Variants in GALK2 observed in about 807,000 individuals in gnomAD.
GALK2 encodes galactokinase 2, also known as N-acetylgalactosamine kinase.
In GALK2, 36 loss-of-function variants were observed where a neutral mutation model predicts 52.4. That is an observed-to-expected ratio of 0.69 (90% CI 0.53 to 0.91). The LOEUF is 0.91. GALK2 is among the 40% of genes least tolerant of loss of function. The pLI, the probability that GALK2 is intolerant of heterozygous loss-of-function variation, is 0.00. For missense variants in GALK2, 579 were observed against 559.1 expected (o/e 1.04, Z -0.36); for synonymous variants, 176 against 199.1 (o/e 0.88, Z 0.98).
rs188633691 is a variant in GALK2, at chr15:49,322,922, C to A, written c.1169+3117C>A. 9.4e-4 allele frequency among the ~76,000 whole-genome samples: 141 copies of A among 149,378 alleles called. No homozygotes were observed. In the East Asian group the frequency reaches 0.017, roughly 18 times the overall value. ...CAGTGAGCCGAGATCGCAACACTGC[C>A]CTCCAGCCTGTGGGACAGAGCAAGA... On this transcript the variant is annotated intron_variant, in intron 9 of 9. Transcript: ENST00000560031.
At chr15:49,166,718 A>G (rs953737025), upstream of GALK2, among the ~76,000 whole-genome samples, 1 of 152,230 alleles carries the variant, frequency 6.6e-6, no homozygotes, top group African/African-American at 2.4e-5. Context: ...CTCAACAACA[A>G]CAACAAAAAA....
chr15:49,160,390 T>C (rs2084611161), intron 1 of GALK2, among the ~76,000 whole-genome samples: 1 of 152,184 alleles, frequency 6.6e-6, no homozygotes, highest in African/African-American at 2.4e-5. Context: ...ATGATATCAC[T>C]TTACAGTATA....
In GALK2 at chr15:49,170,359, G is replaced by T. The variant is rs780530278; in HGVS notation, c.37G>T (p.Val13Leu). 1 of 1,592,902 alleles carries T rather than the reference G, an allele frequency of 6.3e-7. No homozygotes were observed. Among genetic ancestry groups the T allele is most frequent in the South Asian group, 1.1e-5 (1 of 87,130 alleles). The change falls in exon 1 of 10, where the codon GTG becomes TTG. Residue 13 changes from valine (V) to leucine (L), a missense_variant. Physicochemically the swap from Val to Leu is conservative, Grantham distance 32. Transcript: ENST00000560031. ...GAGCCCTGCTACGCGTCGGGTCCAG[G>T]TGGCAGAACATCCTAGGTGGGGGAG... is the stretch of plus-strand genomic sequence containing the variant. ...TESPATRRVQVAEHPRLLKLK... is the reference protein window; with the variant it reads ...TESPATRRVQLAEHPRLLKLK...
At chr15:49,202,955 A>G (rs1428899055) in intron 2 of GALK2, among the ~76,000 whole-genome samples, 1 of 152,092 alleles carries the variant, frequency 6.6e-6, no homozygotes, top group African/African-American at 2.4e-5. Context: ...ATTATTAGTG[A>G]TGTTGAGCAT....
chr15:49,296,494 T>C (rs2034490959), intron 8 of GALK2, among the ~76,000 whole-genome samples: 1 of 152,236 alleles, frequency 6.6e-6, no homozygotes. Context: ...CCACAGTGTA[T>C]TTGCACCACG....
chr15:49,180,187 G>T (rs1247465305), intron 1 of GALK2, among the ~76,000 whole-genome samples: 2 of 152,108 alleles, frequency 1.3e-5, no homozygotes, highest in African/African-American at 4.8e-5. Flanking sequence ...TCTGCTGTTA[G>T]CACTTCATGT....
intron 7 of GALK2, among the ~76,000 whole-genome samples, chr15:49,289,005 C>A (rs1189489516): frequency 2.0e-5 from 3 of 152,138 alleles, no homozygotes; most frequent in Non-Finnish European, 4.4e-5. Context: ...AGGAAGTTTT[C>A]CTTGACTACC....
downstream of GALK2, chr15:49,335,502 A>C: frequency 6.2e-7 from 1 of 1,608,248 alleles, no homozygotes; most frequent in Non-Finnish European, 8.5e-7. Context: ...GTAGTGTGCT[A>C]GGCTTATTAT....
intron 1 of GALK2, among the ~76,000 whole-genome samples, chr15:49,182,730 T>A (rs2086066460): frequency 2.0e-5 from 3 of 152,262 alleles, no homozygotes; most frequent in Admixed American, 2.0e-4. Context: ...TTTGCATTTC[T>A]CTGACTATCA....
intron 5 of GALK2, among the ~76,000 whole-genome samples, chr15:49,276,327 G>A (rs928217892): frequency 6.6e-6 from 1 of 152,042 alleles, no homozygotes; most frequent in Admixed American, 6.6e-5. Context: ...TGTTTGTGGG[G>A]TACAGTGGAA....
At chr15:49,220,688 A>G (rs2141400339) in intron 3 of GALK2, among the ~76,000 whole-genome samples, 1 of 152,332 alleles carries the variant, frequency 6.6e-6, no homozygotes, top group African/African-American at 2.4e-5. Context: ...CACTAATTAC[A>G]TTCTCACCAA....
chr15:49,275,646 C>A (rs1016220849), intron 5 of GALK2, among the ~76,000 whole-genome samples: 3 of 152,182 alleles, frequency 2.0e-5, no homozygotes, highest in Non-Finnish European at 2.9e-5. Flanking sequence ...TGTAATTCAG[C>A]TTTTAACAAT....
chr15:49,157,161 T>C (rs1270946267), intron 1 of GALK2, among the ~76,000 whole-genome samples: 2 of 152,236 alleles, frequency 1.3e-5, no homozygotes, highest in Non-Finnish European at 2.9e-5. Context: ...AAATTGGTCA[T>C]ATGACCCCTT....
At chr15:49,228,687 A>ATCTATATATATATATACATATAT (rs1555409061) in intron 3 of GALK2, among the ~76,000 whole-genome samples, 1 of 14,274 alleles carries the variant, frequency 7.0e-5, no homozygotes, top group East Asian at 1.3e-3. Flanking sequence ...ATATATATAT[A>ATCTATATATATATATACATATAT]TTTTTTTTTT....
chr15:49,188,616 T>G (rs2086523843), intron 1 of GALK2, among the ~76,000 whole-genome samples: 1 of 152,188 alleles, frequency 6.6e-6, no homozygotes, highest in African/African-American at 2.4e-5. Flanking sequence ...TGATTTTGGG[T>G]TCTTAAGAAG....
intron 3 of GALK2, among the ~76,000 whole-genome samples, chr15:49,228,755 A>G (rs1337448147): frequency 1.7e-5 from 2 of 120,092 alleles, no homozygotes; most frequent in Admixed American, 1.1e-4. Flanking sequence ...GTGCAGTGGC[A>G]TGATGTTGGT....
intron 8 of GALK2, among the ~76,000 whole-genome samples, chr15:49,300,572 T>C (rs993242024): frequency 2.6e-5 from 4 of 152,082 alleles, no homozygotes; most frequent in African/African-American, 9.7e-5. Flanking sequence ...TATCTTGAAT[T>C]GTAGTTCCCA....
chr15:49,270,703 C>G (rs1355151478), intron 5 of GALK2, among the ~76,000 whole-genome samples: 2 of 152,188 alleles, frequency 1.3e-5, no homozygotes, highest in Non-Finnish European at 2.9e-5. Context: ...CAAATGTGTA[C>G]ACTGAGATAT....
chr15:49,328,721 A>G lies in GALK2; in HGVS notation c.*562A>G. The G allele has an allele frequency of 3.3e-6, 5 of 1,522,858 alleles. No homozygotes were observed. Among genetic ancestry groups the G allele is most frequent in the Non-Finnish European group, 4.4e-6 (5 of 1,130,346 alleles). 94.3% of individuals were successfully genotyped at this position (1,522,858 alleles called of 1,614,324 possible). A position where few individuals can be genotyped will look rare whatever the true frequency, so the allele number is the denominator to read the frequency against. ...TAAAGTTTCACAGATCTTCTTGGAC[A>G]TTGTATAATTGAATTTGAATGTGAG... On this transcript the variant is annotated 3_prime_UTR_variant, in exon 10 of 10. Transcript: ENST00000560031.
Sources: gnomAD v4.1 joint callset for allele counts (sites outside exome capture counted in the v4.1 genomes callset) on GRCh38, gnomAD v4.1.1 for gene constraint, MANE v1.5 for transcripts, NCBI Gene and HGNC (gene_info 2026-07-23, HGNC 2026-07-21) for gene names.